CD58: variants seen among roughly 807,000 people sequenced by gnomAD.
The protein encoded by CD58 is CD58 molecule.
In CD58, 14 loss-of-function variants were observed where a neutral mutation model predicts 27.6. The observed-to-expected ratio is 0.51, with a 90% CI of 0.34 to 0.79. The LOEUF is 0.79. CD58 is among the 30% of genes least tolerant of loss of function. CD58 has a pLI of 0.02. For synonymous variants in CD58, 117 were observed against 103.8 expected, an observed-to-expected ratio of 1.13 and a Z score of -0.77; for missense variants, 268 against 301.7, an observed-to-expected ratio of 0.89 and a Z score of 0.83.
In CD58 at chr1:116,515,806, G is replaced by A. The variant is rs998878733; in HGVS notation, c.744-984C>T. Among the ~76,000 whole-genome samples the A allele has an allele frequency of 6.6e-5, 10 of 152,238 alleles. No individual in the cohort carries two copies. The highest frequency in any genetic ancestry group is 2.4e-4 in the African/African-American group (10 of 41,524). ...AGACACTTACACAAAAAATACCAGG[G>A]CACTCAGAAATTGCCTACGTTGAAC... On this transcript the variant is annotated intron_variant, in intron 5 of 5. Transcript: ENST00000369489. The surrounding 1 kb of genome is among the most constrained non-coding windows in gnomAD (Gnocchi z 4.6).
Position 116,541,580 on chromosome 1 carries a change from C to T in CD58, c.364+2731G>A, listed in dbSNP as rs1399901058. Among the ~76,000 whole-genome samples the T allele has an allele frequency of 2.6e-5, 4 of 152,166 alleles. No individual in the cohort carries two copies. The highest frequency in any genetic ancestry group is 5.9e-5 in the Non-Finnish European group (4 of 68,038). On this transcript the variant is annotated intron_variant, in intron 2 of 5. Coordinates refer to ENST00000369489, the MANE Select transcript of CD58 (RefSeq NM_001779.3). This position sits in a 1 kb window ranked among gnomAD's most constrained non-coding sequence, Gnocchi z 5.3. Reference sequence around the variant, plus strand: ...AAAAGAGAGGTATCAAGGATGACATCCCGGTTTCAGACTGACCAGCTGAAA... The same window carrying T: ...AAAAGAGAGGTATCAAGGATGACATTCCGGTTTCAGACTGACCAGCTGAAA...
At chr1:116,540,326 AG>A (rs1657950361) in intron 2 of CD58, among the ~76,000 whole-genome samples, 1 of 151,350 alleles carries the variant, frequency 6.6e-6, no homozygotes, top group Non-Finnish European at 1.5e-5. Flanking sequence ...CATTACCTCA[AG>A]GAAGTATGAC....
chr1:116,531,913 A>G lies in CD58; in HGVS notation c.628+4052T>C, dbSNP rs565371182. Among the ~76,000 whole-genome samples, 128 of 152,314 alleles carry G rather than the reference A, an allele frequency of 8.4e-4. No homozygotes were observed. The highest frequency in any genetic ancestry group is 1.1e-3 in the Non-Finnish European group (74 of 68,024). ...TCCCCGGCTGCCACAGAGCGCTGTCACCCACTTGGAAACCCCACTCACCAG... is the reference window on the plus strand; with the variant it reads ...TCCCCGGCTGCCACAGAGCGCTGTCGCCCACTTGGAAACCCCACTCACCAG... On this transcript the variant is annotated intron_variant, in intron 3 of 5. Transcript: ENST00000369489. The surrounding 1 kb of genome is among the most constrained non-coding windows in gnomAD (Gnocchi z 4.5).
chr1:116,519,599 C>CA lies in CD58; in HGVS notation c.707-333dup, dbSNP rs1298417876. On this transcript the variant is annotated intron_variant, in intron 4 of 5. Coordinates refer to ENST00000369489, the MANE Select transcript of CD58 (RefSeq NM_001779.3). The surrounding 1 kb of genome is among the most constrained non-coding windows in gnomAD (Gnocchi z 4.7). The stretch of plus-strand genomic sequence containing the variant: ...TCCAATAGAAATATAATGCAAGCCA[C>CA]ATAAGTAATTTAAAATTTTTGGTAT... Among the ~76,000 whole-genome samples the CA allele has an allele frequency of 6.6e-6, 1 of 151,880 alleles. No individual in the cohort carries two copies. The highest frequency in any genetic ancestry group is 1.5e-5 in the Non-Finnish European group (1 of 67,984).
rs763808056 is a variant in CD58, at chr1:116,532,867, A to G, written c.628+3098T>C. ...CGACGGGATTGTGCCGCATGCGGCA[A>G]AGACTGAGGCCTCCCGCTACAGGCC... On this transcript the variant is annotated intron_variant, in intron 3 of 5. Coordinates refer to ENST00000369489, the MANE Select transcript of CD58 (RefSeq NM_001779.3). This position sits in a 1 kb window ranked among gnomAD's most constrained non-coding sequence, Gnocchi z 5.1. 1.5e-6 allele frequency: 1 copy of G among 670,856 alleles called. No homozygotes were observed. The highest frequency in any genetic ancestry group is 2.6e-6 in the Non-Finnish European group (1 of 379,624). 41.6% of individuals were successfully genotyped at this position (670,856 alleles called of 1,614,324 possible). A position where few individuals can be genotyped will look rare whatever the true frequency, so the allele number is the denominator to read the frequency against.
At chr1:116,569,598 CT>C (rs35150803) in intron 1 of CD58, among the ~76,000 whole-genome samples, 17,648 of 110,912 alleles carry the variant, frequency 0.16, 790 homozygotes, top group African/African-American at 0.19. Flanking sequence ...CACAGCTCAC[CT>C]TTTTTTTTTT....
intron 1 of CD58, among the ~76,000 whole-genome samples, chr1:116,569,009 T>A (rs1346243788): frequency 6.6e-6 from 1 of 152,244 alleles, no homozygotes. Flanking sequence ...ATCAAATGAC[T>A]TCTGAATGAA....
At chr1:116,555,878 T>G (rs1658541970) in intron 1 of CD58, among the ~76,000 whole-genome samples, 1 of 152,184 alleles carries the variant, frequency 6.6e-6, no homozygotes, top group African/African-American at 2.4e-5. Flanking sequence ...GAGATTCAGA[T>G]TGACTGGTAC....
intron 3 of CD58, 97 bp downstream of exon 3, chr1:116,535,868 A>AG (rs1657781784): frequency 1.4e-6 from 1 of 734,442 alleles, no homozygotes; most frequent in Non-Finnish European, 2.2e-6. Flanking sequence ...AAAAAAAAAA[A>AG]TTGTAACTTG....
At chr1:116,566,131 G>A (rs546154403) in intron 1 of CD58, among the ~76,000 whole-genome samples, 27 of 152,252 alleles carry the variant, frequency 1.8e-4, no homozygotes, top group African/African-American at 3.4e-4. Flanking sequence ...ATCTTAAGTC[G>A]AACCATTGCT....
intron 3 of CD58, among the ~76,000 whole-genome samples, chr1:116,535,371 T>A (rs1308701763): frequency 6.6e-6 from 1 of 152,300 alleles, no homozygotes; most frequent in East Asian, 1.9e-4. Flanking sequence ...CAACTTAAAC[T>A]CTCTCTCTGT....
In CD58 at chr1:116,546,097, A is replaced by T. The variant is rs1658160215; in HGVS notation, c.71-1493T>A. Reference sequence around the variant, plus strand: ...AGGCTGAAGAGGATTACTTGAAGCCATGAGGCAGAGATTGCAGTCAGCCAT... The same window carrying T: ...AGGCTGAAGAGGATTACTTGAAGCCTTGAGGCAGAGATTGCAGTCAGCCAT... On this transcript the variant is annotated intron_variant, in intron 1 of 5. Transcript: ENST00000369489. The surrounding 1 kb of genome is among the most constrained non-coding windows in gnomAD (Gnocchi z 4.1). 6.6e-6 allele frequency among the ~76,000 whole-genome samples: 1 copy of T among 152,244 alleles called. No individual in the cohort carries two copies. Among genetic ancestry groups the T allele is most frequent in the African/African-American group, 2.4e-5 (1 of 41,466 alleles).
chr1:116,551,726 T>C (rs573492333), intron 1 of CD58, among the ~76,000 whole-genome samples: 52 of 151,048 alleles, frequency 3.4e-4, no homozygotes, highest in Middle Eastern at 3.4e-3. Flanking sequence ...GGCTTTTTTT[T>C]TTTCTTTCTT....
rs925326646 is a variant in CD58 at position 116,528,511 on chromosome 1, A to G, written c.629-6528T>C. Among the ~76,000 whole-genome samples the G allele has an allele frequency of 3.3e-5, 5 of 152,192 alleles. No homozygotes were observed. Among genetic ancestry groups the G allele is most frequent in the African/African-American group, 1.2e-4 (5 of 41,434 alleles). On this transcript the variant is annotated intron_variant, in intron 3 of 5. Coordinates refer to ENST00000369489, the MANE Select transcript of CD58 (RefSeq NM_001779.3). This position sits in a 1 kb window ranked among gnomAD's most constrained non-coding sequence, Gnocchi z 4.4. ...CATAACTTCAGGTCGGAACTGAACA[A>G]TGTTTCTTTTATGTTCTTGGTCCAT...
rs557591345 is a variant in CD58 at position 116,518,239 on chromosome 1, A to G, written c.743+992T>C. Among the ~76,000 whole-genome samples the G allele has an allele frequency of 1.7e-3, 264 of 152,176 alleles. 1 individual carries two copies. Among genetic ancestry groups the G allele is most frequent in the Middle Eastern group, 3.4e-3 (1 of 294 alleles). Reference sequence around the variant, plus strand: ...GCATCAGAGCCTACACTGCCAGATGAAAGTTTTGCTAACAGGACCTCTGCT... The same window carrying G: ...GCATCAGAGCCTACACTGCCAGATGGAAGTTTTGCTAACAGGACCTCTGCT... On this transcript the variant is annotated intron_variant, in intron 5 of 5. Coordinates refer to ENST00000369489, the MANE Select transcript of CD58 (RefSeq NM_001779.3).
At chr1:116,547,084 GT>G (rs1039280654) in intron 1 of CD58, among the ~76,000 whole-genome samples, 19 of 127,388 alleles carry the variant, frequency 1.5e-4, no homozygotes, top group African/African-American at 5.5e-4. Flanking sequence ...TTTTTTTTTA[GT>G]TATTTGGGTG....
chr1:116,561,166 T>C (rs1242243767), intron 1 of CD58, among the ~76,000 whole-genome samples: 1 of 152,206 alleles, frequency 6.6e-6, no homozygotes, highest in Non-Finnish European at 1.5e-5. Flanking sequence ...AGGAGGTCAA[T>C]AAAATAAATT....
chr1:116,544,831 C>A (rs548651547), intron 1 of CD58, among the ~76,000 whole-genome samples: 2 of 152,154 alleles, frequency 1.3e-5, no homozygotes, highest in Non-Finnish European at 2.9e-5. Context: ...CCAGGTAGTA[C>A]GGGCTGGGCT....
intron 3 of CD58, among the ~76,000 whole-genome samples, chr1:116,525,747 T>C (rs1377611560): frequency 2.6e-5 from 4 of 152,240 alleles, no homozygotes; most frequent in South Asian, 4.1e-4. Context: ...TGGTATTTCA[T>C]TGTTGTCTTA....
Sources: gnomAD v4.1 joint callset for allele counts (sites outside exome capture counted in the v4.1 genomes callset) on GRCh38, gnomAD v4.1.1 for gene constraint, Gnocchi (gnomAD v3.1) non-coding constraint, MANE v1.5 for transcripts, NCBI Gene and HGNC (gene_info 2026-07-23, HGNC 2026-07-21) for gene names.